Variants in AKR1C3 observed in about 807,000 individuals in gnomAD.
AKR1C3 encodes aldo-keto reductase family 1 member C3, also known as 3-alpha hydroxysteroid dehydrogenase, type II.
In AKR1C3, 48 loss-of-function variants were observed where a neutral mutation model predicts 43.6. The observed-to-expected ratio is 1.10, with a 90% CI of 0.87 to 1.40. The LOEUF is 1.40. AKR1C3 is among the 40% of genes most tolerant of loss of function. AKR1C3 has a pLI of 0.00. For synonymous variants in AKR1C3, 162 were observed against 139.6 expected, an observed-to-expected ratio of 1.16 and a Z score of -1.13; for missense variants, 482 against 391.2, an observed-to-expected ratio of 1.23 and a Z score of -1.96.
rs1335019668 is a variant in AKR1C3, at chr10:5,094,629, G to T, written c.84+101G>T. On this transcript the variant is annotated intron_variant, in intron 1 of 8. Transcript: ENST00000380554. Reference sequence around the variant, plus strand: ...AGGTTCGTGTTCCTACCTTACTCTGGATGACTCACTGGTCTAGGTTTCCTA... The same window carrying T: ...AGGTTCGTGTTCCTACCTTACTCTGTATGACTCACTGGTCTAGGTTTCCTA... The T allele has an allele frequency of 3.1e-6, 4 of 1,306,806 alleles. No homozygotes were observed. In the African/African-American group the frequency reaches 4.4e-5, roughly 14 times the overall value. The allele number at this position is 1,306,806 out of a possible 1,614,324, so 81.0% of individuals were successfully genotyped here. A position where few individuals can be genotyped will look rare whatever the true frequency, so the allele number is the denominator to read the frequency against.
upstream of AKR1C3, among the ~76,000 whole-genome samples, chr10:5,092,784 A>T (rs1839123176): frequency 1.3e-5 from 2 of 152,062 alleles, no homozygotes; most frequent in African/African-American, 2.4e-5. Context: ...TACTAATTTC[A>T]GTGCTCATGG....
chr10:5,060,994 G>T (rs145177515), intron 1 of AKR1C3, among the ~76,000 whole-genome samples: 1 of 152,298 alleles, frequency 6.6e-6, no homozygotes. Context: ...CAAGCGTGGC[G>T]CACAGCCCCA....
chr10:5,097,442 C>T lies in AKR1C3; in HGVS notation c.261C>T (p.Ser87=). 9.3e-6 allele frequency: 15 copies of T among 1,613,388 alleles called. No homozygotes were observed. Among genetic ancestry groups the T allele is most frequent in the Non-Finnish European group, 1.3e-5 (15 of 1,179,654 alleles). ...EDIFYTSKLW[S]TFHRPELVRP... Reference sequence around the variant, plus strand: ...TTCTTTAACCTCTGCAGCTTTGGTCCACTTTTCATCGACCAGAGTTGGTCC... The same window carrying T: ...TTCTTTAACCTCTGCAGCTTTGGTCTACTTTTCATCGACCAGAGTTGGTCC... Residue 87 remains serine, a synonymous_variant, in exon 3 of 9, where the codon TCC becomes TCT. Transcript: ENST00000380554.
At chr10:5,066,763 G>A (rs1002652346) in intron 1 of AKR1C3, among the ~76,000 whole-genome samples, 34 of 152,064 alleles carry the variant, frequency 2.2e-4, no homozygotes, top group Admixed American at 7.9e-4. Context: ...GTATTTTTCC[G>A]TAGGTCATAA....
chr10:5,097,727 C>CT (rs1238670433), intron 3 of AKR1C3, 177 bp downstream of exon 3: 1 of 1,419,722 alleles, frequency 7.0e-7, no homozygotes, highest in African/African-American at 1.5e-5. Flanking sequence ...TCCTACTTCT[C>CT]TAATGCACAC....
chr10:5,077,175 C>G (rs1838734307), intron 1 of AKR1C3, among the ~76,000 whole-genome samples: 1 of 151,974 alleles, frequency 6.6e-6, no homozygotes. Context: ...TTGGAAAAAC[C>G]ACGTTGGACT....
At chr10:5,086,625 T>C (rs1838972534) in intron 1 of AKR1C3, among the ~76,000 whole-genome samples, 1 of 152,010 alleles carries the variant, frequency 6.6e-6, no homozygotes, top group African/African-American at 2.4e-5. Flanking sequence ...AATTCCTGGG[T>C]ATCCTTGTTA....
chr10:5,092,320 A>C (rs1239613779), upstream of AKR1C3, among the ~76,000 whole-genome samples: 2 of 151,938 alleles, frequency 1.3e-5, no homozygotes, highest in Non-Finnish European at 2.9e-5. Context: ...ATTTAGATTA[A>C]TGTCTGTTGC....
At chr10:5,101,379 CTTAT>C (rs2131846106) in intron 5 of AKR1C3, among the ~76,000 whole-genome samples, 1 of 151,694 alleles carries the variant, frequency 6.6e-6, no homozygotes, top group East Asian at 1.9e-4. Context: ...ATTTTAAAAC[CTTAT>C]TTAACTATTC....
chr10:5,104,745 A>T (rs1300489649), intron 7 of AKR1C3, among the ~76,000 whole-genome samples: 4 of 152,152 alleles, frequency 2.6e-5, no homozygotes, highest in African/African-American at 9.6e-5. Context: ...TAATATATAT[A>T]TCATTAATTT....
At chr10:5,094,557 T>C (rs768224584) in intron 1 of AKR1C3, 29 bp downstream of exon 1, 1 of 1,610,402 alleles carries the variant, frequency 6.2e-7, no homozygotes, top group Non-Finnish European at 8.5e-7. Flanking sequence ...AGTTTTCGGA[T>C]TTCAAAAGAA....
chr10:5,053,853 A>G (rs892457758), intron 1 of AKR1C3, among the ~76,000 whole-genome samples: 1 of 152,012 alleles, frequency 6.6e-6, no homozygotes, highest in Non-Finnish European at 1.5e-5. Context: ...TGTTAATTGA[A>G]CTCATTTGGG....
At chr10:5,087,475 C>T (rs556600792) in intron 1 of AKR1C3, among the ~76,000 whole-genome samples, 14 of 150,656 alleles carry the variant, frequency 9.3e-5, no homozygotes, top group Admixed American at 8.0e-4. Flanking sequence ...CAGGTTCAAG[C>T]GATTCTTCTG....
At chr10:5,087,341 C>A (rs1385514561) in intron 1 of AKR1C3, among the ~76,000 whole-genome samples, 1 of 149,738 alleles carries the variant, frequency 6.7e-6, no homozygotes, top group Admixed American at 6.7e-5. Context: ...TCTTGTATTT[C>A]TCTGATATCA....
chr10:5,097,912 T>C (rs191893687), intron 3 of AKR1C3: 16 of 1,069,352 alleles, frequency 1.5e-5, no homozygotes, highest in East Asian at 9.3e-5. Flanking sequence ...GCACATGTGA[T>C]GCACAATGAG....
intron 1 of AKR1C3, among the ~76,000 whole-genome samples, chr10:5,071,503 A>G (rs1292233123): frequency 6.6e-6 from 1 of 152,146 alleles, no homozygotes; most frequent in Non-Finnish European, 1.5e-5. Flanking sequence ...CACCCCACAC[A>G]GTGGCACGGA....
At chr10:5,085,726 G>C (rs1435990433) in intron 1 of AKR1C3, among the ~76,000 whole-genome samples, 1 of 151,830 alleles carries the variant, frequency 6.6e-6, no homozygotes, top group Non-Finnish European at 1.5e-5. Context: ...TGGTTGGTAA[G>C]CTATTGATTA....
intron 1 of AKR1C3, chr10:5,077,972 TCA>T (rs782400628): frequency 2.6e-5 from 18 of 682,862 alleles, no homozygotes; most frequent in East Asian, 1.4e-4. Context: ...GATGCAAATA[TCA>T]CAGGTAAGAA....
At chr10:5,102,799 T>C in intron 7 of AKR1C3, 149 bp downstream of exon 7, 2 of 1,466,870 alleles carry the variant, frequency 1.4e-6, no homozygotes, top group South Asian at 1.4e-5. Flanking sequence ...GGGTTTCTTC[T>C]ACTCTACCAC....
Sources: allele counts gnomAD v4.1 joint callset (sites outside exome capture counted in the v4.1 genomes callset), GRCh38; gene constraint gnomAD v4.1.1; transcripts MANE v1.5; gene names NCBI Gene and HGNC (gene_info 2026-07-23, HGNC 2026-07-21).